PTPRD: variants seen among roughly 807,000 people sequenced by gnomAD.
The protein encoded by PTPRD is protein tyrosine phosphatase receptor type D, also known as receptor-type tyrosine-protein phosphatase delta.
In PTPRD, 34 loss-of-function variants were observed where a neutral mutation model predicts 214.5. The ratio of observed to expected loss-of-function variants is 0.16; its 90% CI spans 0.12 to 0.21. PTPRD has a LOEUF of 0.21. Ranked by LOEUF, PTPRD falls within the 10% of genes least tolerant of loss-of-function variation. PTPRD has a pLI of 1.00. For synonymous variants in PTPRD, 1,128 were observed against 845.7 expected (o/e 1.33, Z -5.79); for missense variants, 2,545 against 2,398.7 (o/e 1.06, Z -1.27).
At chr9:8,704,994 T>A (rs891843527) in intron 12 of PTPRD, among the ~76,000 whole-genome samples, 1 of 152,148 alleles carries the variant, frequency 6.6e-6, no homozygotes, top group African/African-American at 2.4e-5. Context: ...CTCCCTCTAT[T>A]GTCCACAAGT....
chr9:9,818,545 A>G (rs1006831552), intron 5 of PTPRD, among the ~76,000 whole-genome samples: 1 of 152,162 alleles, frequency 6.6e-6, no homozygotes, highest in Non-Finnish European at 1.5e-5. Context: ...AGAGAGATAG[A>G]AAGAGGCAGA....
chr9:9,795,105 C>T lies in PTPRD; in HGVS notation c.-367-28254G>A, dbSNP rs368120662. ...TCACATGATCATATATGGTTTAAAA[C>T]GTGAGAATACTTTAACTATGTATAG... is the stretch of plus-strand genomic sequence containing the variant. On this transcript the variant is annotated intron_variant, in intron 5 of 45. Transcript: ENST00000381196. Among the ~76,000 whole-genome samples the T allele has an allele frequency of 2.1e-4, 32 of 152,304 alleles. No individual in the cohort carries two copies. The South Asian group carries it at 5.4e-3, about 26-fold the overall frequency.
intron 11 of PTPRD, among the ~76,000 whole-genome samples, chr9:8,964,206 T>TG (rs1250673904): frequency 6.9e-6 from 1 of 144,270 alleles, no homozygotes; most frequent in African/African-American, 2.5e-5. Context: ...TTTTTTTTTT[T>TG]TTTTTTTTTT....
intron 44 of PTPRD, 130 bp downstream of exon 44, chr9:8,331,452 C>CCTGCTTT: frequency 1.9e-6 from 2 of 1,051,202 alleles, no homozygotes; most frequent in Non-Finnish European, 2.7e-6. Flanking sequence ...AGAAATCAAT[C>CCTGCTTT]CTGCTTTAAG....
intron 9 of PTPRD, among the ~76,000 whole-genome samples, chr9:9,394,651 C>G (rs1252536204): frequency 6.6e-6 from 1 of 151,994 alleles, no homozygotes; most frequent in Non-Finnish European, 1.5e-5. Flanking sequence ...CACCATGTAG[C>G]TCTTGTTATT....
At chr9:9,211,200 G>C (rs909711540) in intron 9 of PTPRD, among the ~76,000 whole-genome samples, 2 of 152,010 alleles carry the variant, frequency 1.3e-5, no homozygotes, top group African/African-American at 2.4e-5. Context: ...ATAAAGGTCT[G>C]TATTGCCTGG....
At chr9:9,299,588 C>T (rs1954465739) in intron 9 of PTPRD, among the ~76,000 whole-genome samples, 1 of 151,592 alleles carries the variant, frequency 6.6e-6, no homozygotes, top group Non-Finnish European at 1.5e-5. Context: ...CAAAAGGGCC[C>T]CTTCCTTTTT....
Position 10,119,203 on chromosome 9 carries a change from C to T in PTPRD, c.-544-85413G>A, listed in dbSNP as rs542277301. On this transcript the variant is annotated intron_variant, in intron 3 of 45. Coordinates refer to ENST00000381196, the MANE Select transcript of PTPRD (RefSeq NM_002839.4). Reference sequence around the variant, plus strand: ...GTGATTGGCACAGAGCTAACCCCCCCTTTTTTAACTATTACAATCAAACCC... The same window carrying T: ...GTGATTGGCACAGAGCTAACCCCCCTTTTTTTAACTATTACAATCAAACCC... 1.3e-4 allele frequency among the ~76,000 whole-genome samples: 20 copies of T among 151,968 alleles called. No homozygotes were observed. In the South Asian group the frequency reaches 3.7e-3, roughly 28 times the overall value.
In PTPRD at chr9:9,388,692, C is replaced by T. The variant is rs181465512; in HGVS notation, c.-203+8757G>A. On this transcript the variant is annotated intron_variant, in intron 9 of 45. Transcript: ENST00000381196. ...TTTTAAATATACGAGCTGAAATCTGCCATAAAAAAATTAAATAAAAATATT... is the reference window on the plus strand; with the variant it reads ...TTTTAAATATACGAGCTGAAATCTGTCATAAAAAAATTAAATAAAAATATT... 7.6e-3 allele frequency among the ~76,000 whole-genome samples: 1,157 copies of T among 152,002 alleles called. 15 individuals are homozygous for T. Among genetic ancestry groups the T allele is most frequent in the African/African-American group, 0.027 (1,107 of 41,478 alleles).
At chr9:8,537,576 G>A (rs1402805425) in intron 14 of PTPRD, among the ~76,000 whole-genome samples, 1 of 151,982 alleles carries the variant, frequency 6.6e-6, no homozygotes, top group Non-Finnish European at 1.5e-5. Flanking sequence ...CTGGATACAA[G>A]AGTCTCGAAA....
chr9:9,649,997 A>AG (rs1354509065), intron 7 of PTPRD, among the ~76,000 whole-genome samples: 3 of 152,184 alleles, frequency 2.0e-5, no homozygotes, highest in African/African-American at 7.2e-5. Context: ...TGCCAGGGGT[A>AG]GAATGATATG....
rs1602099707 is a variant in PTPRD at position 9,918,503 on chromosome 9, A to C, written c.-368+20004T>G. Among the ~76,000 whole-genome samples, 7 of 152,196 alleles carry C rather than the reference A, an allele frequency of 4.6e-5. 1 individual carries two copies. In the South Asian group the frequency reaches 1.4e-3, roughly 32 times the overall value. ...TATCCAAAGCAATCTGATTCGATTA[A>C]ATCTCTATCAAAATGTCAAGGATAT... On this transcript the variant is annotated intron_variant, in intron 5 of 45. Coordinates refer to ENST00000381196, the MANE Select transcript of PTPRD (RefSeq NM_002839.4).
intron 11 of PTPRD, among the ~76,000 whole-genome samples, chr9:8,883,646 G>A (rs977516217): frequency 2.0e-5 from 3 of 152,210 alleles, no homozygotes; most frequent in African/African-American, 7.2e-5. Context: ...TGAGGTGAGA[G>A]GTCAGGAGTG....
chr9:10,521,832 T>C (rs2052401887), intron 2 of PTPRD, among the ~76,000 whole-genome samples: 1 of 152,178 alleles, frequency 6.6e-6, no homozygotes, highest in Admixed American at 6.6e-5. Flanking sequence ...CATAATGCTA[T>C]TGCACAATTA....
chr9:8,411,661 A>T (rs1366556965), intron 35 of PTPRD, among the ~76,000 whole-genome samples: 1 of 152,204 alleles, frequency 6.6e-6, no homozygotes, highest in Non-Finnish European at 1.5e-5. Flanking sequence ...AATGCAGAAG[A>T]AAGACATTTC....
At chr9:10,371,665 T>A (rs1336285145) in intron 2 of PTPRD, among the ~76,000 whole-genome samples, 1 of 152,080 alleles carries the variant, frequency 6.6e-6, no homozygotes, top group Non-Finnish European at 1.5e-5. Context: ...GTGGAGATCA[T>A]CTCAGAACAT....
At chr9:8,809,278 T>C (rs2096752758) in intron 11 of PTPRD, among the ~76,000 whole-genome samples, 1 of 152,176 alleles carries the variant, frequency 6.6e-6, no homozygotes, top group African/African-American at 2.4e-5. Flanking sequence ...ATACAGTTCT[T>C]TGCCAACCAA....
At chr9:10,195,428 T>C (rs74493692) in intron 3 of PTPRD, among the ~76,000 whole-genome samples, 3,936 of 152,220 alleles carry the variant, frequency 0.026, 189 homozygotes, top group African/African-American at 0.09. Context: ...CTGTTTGCTG[T>C]TACCTGTCCA....
chr9:8,851,125 A>G (rs1017026086), intron 11 of PTPRD, among the ~76,000 whole-genome samples: 4 of 152,058 alleles, frequency 2.6e-5, no homozygotes, highest in Non-Finnish European at 5.9e-5. Flanking sequence ...ATTGCTCTTG[A>G]AACCTGATAC....
Sources: gnomAD v4.1 joint callset for allele counts (sites outside exome capture counted in the v4.1 genomes callset) on GRCh38, gnomAD v4.1.1 for gene constraint, MANE v1.5 for transcripts, NCBI Gene and HGNC (gene_info 2026-07-23, HGNC 2026-07-21) for gene names.